Variants in PCDHA2 observed in about 807,000 individuals in gnomAD.
The protein encoded by PCDHA2 is protocadherin alpha 2, also known as protocadherin alpha-2.
Under a neutral mutation model 66.0 loss-of-function variants are expected in PCDHA2, and 58 were observed. That is an observed-to-expected ratio of 0.88 (90% CI 0.71 to 1.09). PCDHA2 has a LOEUF of 1.09. Ranked by LOEUF, PCDHA2 falls within the 50% of genes least tolerant of loss-of-function variation. The pLI, the probability that PCDHA2 is intolerant of heterozygous loss-of-function variation, is 0.00. For synonymous variants in PCDHA2, 634 were observed against 554.0 expected, an observed-to-expected ratio of 1.14 and a Z score of -2.03; for missense variants, 1,267 against 1,242.3, an observed-to-expected ratio of 1.02 and a Z score of -0.30.
At chr5:140,816,507 T>TTGTGTTTG (rs1765923153) in intron 1 of PCDHA2, 1 of 149,440 alleles carries the variant, frequency 6.7e-6, no homozygotes, top group Non-Finnish European at 1.5e-5. Flanking sequence ...GGAGGTGTGT[T>TTGTGTTTG]TGTGTGTGTG....
rs782204600 is a variant in PCDHA2, at chr5:140,796,303, G to A, written c.1339G>A (p.Asp447Asn). The change falls in exon 1 of 4, where the codon GAC becomes AAC. Residue 447 changes from aspartate (D) to asparagine (N), a missense_variant. Asp to Asn is a conservative substitution (Grantham distance 23). Transcript: ENST00000526136. ...ATTSVSIEVADVNDNAPAFAQ... is the reference protein window; with the variant it reads ...ATTSVSIEVANVNDNAPAFAQ... The stretch of plus-strand genomic sequence containing the variant: ...CACCAGCGTGTCCATCGAGGTGGCC[G>A]ACGTGAACGACAACGCGCCGGCGTT... 2 of 1,614,144 alleles carry A rather than the reference G, an allele frequency of 1.2e-6. No individual in the cohort carries two copies. The highest frequency in any genetic ancestry group is 8.5e-7 in the Non-Finnish European group (1 of 1,180,032).
chr5:140,817,526 C>A (rs1004627140), intron 1 of PCDHA2: 2 of 152,276 alleles, frequency 1.3e-5, no homozygotes, highest in East Asian at 3.9e-4. Context: ...TTGATTTCCT[C>A]TTTTGTTGAT....
chr5:140,884,555 G>A (rs1554181729), intron 1 of PCDHA2: 1 of 1,614,098 alleles, frequency 6.2e-7, no homozygotes. Flanking sequence ...CTCTGGGGAG[G>A]GCCCGCATAA....
chr5:140,799,381 A>T (rs782061172), intron 1 of PCDHA2, among the ~76,000 whole-genome samples: 1 of 152,156 alleles, frequency 6.6e-6, no homozygotes, highest in Non-Finnish European at 1.5e-5. Flanking sequence ...AAGTCCATGA[A>T]GTTTAAAAAT....
rs1266010631 is a variant in PCDHA2, at chr5:140,857,226, C to T, written c.2388+59874C>T. 4.4e-6 allele frequency: 7 copies of T among 1,598,494 alleles called. 1 individual carries two copies. Among genetic ancestry groups the T allele is most frequent in the Non-Finnish European group, 5.1e-6 (6 of 1,167,908 alleles). On this transcript the variant is annotated intron_variant, in intron 1 of 3. Coordinates refer to ENST00000526136, the MANE Select transcript of PCDHA2 (RefSeq NM_018905.3). ...ACCTGCTCTCTGACGCCTCACGTTC[C>T]GTTCAAGCTGGTGTCCACCTACAAG...
intron 3 of PCDHA2, among the ~76,000 whole-genome samples, chr5:141,003,377 T>C (rs2098121331): frequency 6.6e-6 from 1 of 152,180 alleles, no homozygotes; most frequent in African/African-American, 2.4e-5. Context: ...AGTGGTGCAA[T>C]CTCAGCTCAC....
At chr5:140,805,154 A>T in intron 1 of PCDHA2, 1 of 1,559,526 alleles carries the variant, frequency 6.4e-7, no homozygotes, top group Admixed American at 1.8e-5. Context: ...TGGAATTTTC[A>T]CTTCACAGAT....
intron 1 of PCDHA2, among the ~76,000 whole-genome samples, chr5:140,958,627 T>C (rs1183042351): frequency 6.6e-6 from 1 of 152,128 alleles, no homozygotes; most frequent in African/African-American, 2.4e-5. Flanking sequence ...AGCTTGAGAG[T>C]ACTGCAGAAA....
intron 3 of PCDHA2, among the ~76,000 whole-genome samples, chr5:141,007,961 C>G (rs1554261577): frequency 6.6e-6 from 1 of 152,176 alleles, no homozygotes; most frequent in East Asian, 1.9e-4. Flanking sequence ...TGCTCATTCT[C>G]TGGGTGTCTG....
chr5:140,823,264 C>T (rs1052475502), intron 1 of PCDHA2: 1 of 1,612,910 alleles, frequency 6.2e-7, no homozygotes, highest in Non-Finnish European at 8.5e-7. Flanking sequence ...GGTGGAGCGG[C>T]GGGTGGGCGA....
chr5:140,841,442 C>T (rs2150315627), intron 1 of PCDHA2: 3 of 1,613,000 alleles, frequency 1.9e-6, no homozygotes, highest in Non-Finnish European at 2.5e-6. Context: ...GGAGGCCAAA[C>T]ACGGCACCTT....
Position 140,829,867 on chromosome 5 carries a change from G to A in PCDHA2, c.2388+32515G>A, listed in dbSNP as rs1199530922. ...CACTGGGTGCAGGCCAAGTGGTGGCGAAGGTGCGCGCAGTTGACGCCGACT... is the reference window on the plus strand; with the variant it reads ...CACTGGGTGCAGGCCAAGTGGTGGCAAAGGTGCGCGCAGTTGACGCCGACT... On this transcript the variant is annotated intron_variant, in intron 1 of 3. Transcript: ENST00000526136. The A allele has an allele frequency of 5.0e-6, 8 of 1,613,830 alleles. No homozygotes were observed. In the African/African-American group the frequency reaches 9.3e-5, roughly 19 times the overall value.
At chr5:140,965,561 A>T (rs2095912417) in intron 1 of PCDHA2, among the ~76,000 whole-genome samples, 1 of 152,114 alleles carries the variant, frequency 6.6e-6, no homozygotes, top group Admixed American at 6.5e-5. Context: ...TTAGGAGATC[A>T]ACAGTAACGC....
intron 1 of PCDHA2, chr5:140,869,082 T>A: frequency 6.3e-7 from 1 of 1,582,446 alleles, no homozygotes; most frequent in South Asian, 1.2e-5. Context: ...GAAGCTTATT[T>A]TGGAAGCCAA....
intron 1 of PCDHA2, chr5:140,842,083 C>G: frequency 6.2e-7 from 1 of 1,613,822 alleles, no homozygotes; most frequent in Non-Finnish European, 8.5e-7. Flanking sequence ...TATTCGAAAA[C>G]GCAGACAACG....
intron 1 of PCDHA2, among the ~76,000 whole-genome samples, chr5:140,945,198 C>T (rs1563212846): frequency 6.6e-6 from 1 of 151,982 alleles, no homozygotes; most frequent in Non-Finnish European, 1.5e-5. Flanking sequence ...ATGCTATTTA[C>T]AATAGCTATG....
chr5:140,935,318 T>A (rs1554210460), intron 1 of PCDHA2, among the ~76,000 whole-genome samples: 1 of 152,194 alleles, frequency 6.6e-6, no homozygotes, highest in African/African-American at 2.4e-5. Flanking sequence ...TTCATCAATC[T>A]TACATTCCTA....
chr5:140,890,621 A>G (rs1209531386), intron 1 of PCDHA2, among the ~76,000 whole-genome samples: 1 of 152,174 alleles, frequency 6.6e-6, no homozygotes, highest in Non-Finnish European at 1.5e-5. Context: ...TACCCTAGAA[A>G]ATTAAGCATG....
At chr5:140,863,363 TG>T (rs1554158141) in intron 1 of PCDHA2, 2 of 1,206,158 alleles carry the variant, frequency 1.7e-6, no homozygotes, top group Non-Finnish European at 1.2e-6. Context: ...CTGCGGTGCT[TG>T]GCGCAGCTCA....
Sources: gnomAD v4.1 joint callset for allele counts (sites outside exome capture counted in the v4.1 genomes callset) on GRCh38, gnomAD v4.1.1 for gene constraint, MANE v1.5 for transcripts, NCBI Gene and HGNC (gene_info 2026-07-23, HGNC 2026-07-21) for gene names.